PDE11A: variants seen among roughly 807,000 people sequenced by gnomAD.
The protein encoded by PDE11A is phosphodiesterase 11A.
Under a neutral mutation model 100.5 loss-of-function variants are expected in PDE11A, and 100 were observed. That is an observed-to-expected ratio of 1.00 (90% CI 0.85 to 1.18). PDE11A has a LOEUF of 1.18. Among genes scored for constraint, PDE11A ranks in the 50% most tolerant of loss-of-function variants. The pLI is 0.00. For synonymous variants in PDE11A, 381 were observed against 420.8 expected (o/e 0.91, Z 1.16); for missense variants, 1,141 against 1,152.6 (o/e 0.99, Z 0.15).
intron 9 of PDE11A, among the ~76,000 whole-genome samples, chr2:177,791,158 C>G (rs1332716053): frequency 6.6e-6 from 1 of 151,884 alleles, no homozygotes; most frequent in Admixed American, 6.6e-5. Flanking sequence ...CAATGATAGA[C>G]TGGATTAAGA....
chr2:177,624,927 G>A lies in PDE11A; in HGVS notation c.*4480C>T, dbSNP rs576097170. 1 of 152,268 alleles carries A rather than the reference G, an allele frequency of 6.6e-6. No individual in the cohort carries two copies. Among genetic ancestry groups the A allele is most frequent in the South Asian group, 2.1e-4 (1 of 4,826 alleles). 9.4% of individuals were successfully genotyped at this position (152,268 alleles called of 1,614,324 possible). On this transcript the variant is annotated 3_prime_UTR_variant, in exon 20 of 20. Transcript: ENST00000286063. ...TTTACAAACAATACAAAATTTAGCT[G>A]GGTGTGGTGGTGCACACCTGTGGTC...
chr2:178,006,419 G>A (rs1307420844), intron 2 of PDE11A, among the ~76,000 whole-genome samples: 1 of 152,170 alleles, frequency 6.6e-6, no homozygotes, highest in Non-Finnish European at 1.5e-5. Flanking sequence ...AAAATCAGGG[G>A]CAGGGTAGAC....
chr2:177,851,413 A>G (rs980018166), intron 5 of PDE11A, among the ~76,000 whole-genome samples: 7 of 152,028 alleles, frequency 4.6e-5, no homozygotes, highest in Non-Finnish European at 7.4e-5. Flanking sequence ...GAGGGATAGC[A>G]TTAGGAGATA....
At chr2:178,043,676 A>C (rs950836309) in intron 1 of PDE11A, among the ~76,000 whole-genome samples, 4 of 152,202 alleles carry the variant, frequency 2.6e-5, no homozygotes, top group Non-Finnish European at 2.9e-5. Context: ...GGAGCCTACC[A>C]TATAACCTGT....
At chr2:177,778,844 T>A (rs1475517956) in intron 9 of PDE11A, among the ~76,000 whole-genome samples, 1 of 152,204 alleles carries the variant, frequency 6.6e-6, no homozygotes, top group East Asian at 1.9e-4. Context: ...TGCTGTATAA[T>A]AGAATGAAAT....
At chr2:177,635,903 T>A (rs913087677) in intron 19 of PDE11A, among the ~76,000 whole-genome samples, 1 of 151,690 alleles carries the variant, frequency 6.6e-6, no homozygotes, top group Non-Finnish European at 1.5e-5. Flanking sequence ...TGTCAAAATT[T>A]GTTTAACCAG....
At chr2:177,744,756 C>G (rs572955566) in intron 10 of PDE11A, among the ~76,000 whole-genome samples, 2 of 152,310 alleles carry the variant, frequency 1.3e-5, no homozygotes, top group South Asian at 4.2e-4. Flanking sequence ...TCAAGCTTGG[C>G]CGTGACTTGC....
intron 5 of PDE11A, among the ~76,000 whole-genome samples, chr2:177,868,500 G>A (rs1484722575): frequency 6.6e-6 from 1 of 152,164 alleles, no homozygotes; most frequent in Non-Finnish European, 1.5e-5. Context: ...TATTTTAAAA[G>A]ATATTTCAGA....
At chr2:177,987,929 G>A (rs2085959787) in intron 2 of PDE11A, among the ~76,000 whole-genome samples, 1 of 152,140 alleles carries the variant, frequency 6.6e-6, no homozygotes, top group Non-Finnish European at 1.5e-5. Flanking sequence ...TGCATTAAAA[G>A]CTGACCAGCT....
At chr2:177,947,292 C>G (rs2085454864) in intron 2 of PDE11A, among the ~76,000 whole-genome samples, 1 of 145,216 alleles carries the variant, frequency 6.9e-6, no homozygotes, top group Non-Finnish European at 1.5e-5. Context: ...GAGAACGGGC[C>G]AGGATGACAA....
At chr2:177,898,319 T>A (rs947857160) in intron 3 of PDE11A, 121 bp from the exon 4 acceptor site, 34 of 689,938 alleles carry the variant, frequency 4.9e-5, no homozygotes, top group African/African-American at 7.3e-5. Flanking sequence ...TAGCTAATTT[T>A]AAAAAATTTT....
chr2:177,924,326 G>A (rs929961712), intron 2 of PDE11A, among the ~76,000 whole-genome samples: 8 of 152,158 alleles, frequency 5.3e-5, no homozygotes, highest in African/African-American at 1.7e-4. Context: ...CTACAGAAAT[G>A]CTGACTACCA....
chr2:177,669,376 A>C (rs529260466), intron 18 of PDE11A, 117 bp downstream of exon 18: 1 of 696,356 alleles, frequency 1.4e-6, no homozygotes, highest in African/African-American at 1.8e-5. Flanking sequence ...TTAAACTTTC[A>C]GGAGTGCTTC....
chr2:177,873,991 A>T (rs960330595), intron 5 of PDE11A, among the ~76,000 whole-genome samples: 3 of 152,112 alleles, frequency 2.0e-5, no homozygotes, highest in Admixed American at 1.3e-4. Context: ...AGAATCTCTC[A>T]GTGTATGTTC....
chr2:177,955,213 A>G (rs1032831544), intron 2 of PDE11A, among the ~76,000 whole-genome samples: 10 of 152,208 alleles, frequency 6.6e-5, no homozygotes, highest in African/African-American at 2.2e-4. Context: ...AATGAGAAGC[A>G]TGGTGGTATT....
At chr2:177,982,075 G>A (rs548366413) in intron 2 of PDE11A, among the ~76,000 whole-genome samples, 2 of 151,104 alleles carry the variant, frequency 1.3e-5, no homozygotes, top group Non-Finnish European at 3.0e-5. Flanking sequence ...TGTGCTAATC[G>A]TCTAACAACT....
intron 12 of PDE11A, among the ~76,000 whole-genome samples, chr2:177,721,987 C>T (rs2081535711): frequency 6.6e-6 from 1 of 152,124 alleles, no homozygotes; most frequent in East Asian, 1.9e-4. Context: ...GGAAATCATA[C>T]ACCGTGGAAA....
At chr2:177,969,657 CATT>C (rs1411297927) in intron 2 of PDE11A, among the ~76,000 whole-genome samples, 1 of 151,994 alleles carries the variant, frequency 6.6e-6, no homozygotes, top group South Asian at 2.1e-4. Context: ...TATAAATATT[CATT>C]ATTATCAACA....
At chr2:177,776,918 G>T (rs1008147931) in intron 9 of PDE11A, among the ~76,000 whole-genome samples, 2 of 152,142 alleles carry the variant, frequency 1.3e-5, no homozygotes, top group Non-Finnish European at 1.5e-5. Flanking sequence ...TGAAGCATGG[G>T]GGGGCAGTTA....
Sources: allele counts gnomAD v4.1 joint callset (sites outside exome capture counted in the v4.1 genomes callset), GRCh38; gene constraint gnomAD v4.1.1; transcripts MANE v1.5; gene names NCBI Gene and HGNC (gene_info 2026-07-23, HGNC 2026-07-21).